Variants in MAML2 observed in about 807,000 individuals in gnomAD.
MAML2 encodes the protein mastermind like transcriptional coactivator 2, also known as mastermind-like protein 2.
Under a neutral mutation model 96.1 loss-of-function variants are expected in MAML2, and 22 were observed. The observed-to-expected ratio is 0.23, with a 90% CI of 0.16 to 0.33. The LOEUF (loss-of-function observed/expected upper bound fraction) is 0.33. Among genes scored for constraint, MAML2 ranks in the 10% least tolerant of loss-of-function variants. The probability of loss-of-function intolerance (pLI) is 1.00; values close to 1 mark genes in which losing one functional copy is unlikely to be tolerated. For missense variants in MAML2, 1,367 were observed against 1,392.4 expected, an observed-to-expected ratio of 0.98 and a Z score of 0.29; for synonymous variants, 561 against 521.3, an observed-to-expected ratio of 1.08 and a Z score of -1.04.
chr11:96,122,534 G>A (rs1024601540), intron 1 of MAML2, among the ~76,000 whole-genome samples: 1 of 148,864 alleles, frequency 6.7e-6, no homozygotes, highest in Non-Finnish European at 1.5e-5. Flanking sequence ...GTGTGTGCAC[G>A]TGCACGTGCA....
intron 2 of MAML2, among the ~76,000 whole-genome samples, chr11:96,020,937 A>T (rs1439534847): frequency 6.6e-6 from 1 of 152,234 alleles, no homozygotes. Context: ...GTTTAGTCTC[A>T]AAAGAGTAGG....
chr11:96,275,776 A>G (rs1862980800), intron 1 of MAML2, among the ~76,000 whole-genome samples: 1 of 152,206 alleles, frequency 6.6e-6, no homozygotes, highest in Non-Finnish European at 1.5e-5. Context: ...CTACAAATCA[A>G]TAAAAATAAA....
chr11:96,089,187 G>C (rs565305008), intron 2 of MAML2, among the ~76,000 whole-genome samples: 2 of 152,234 alleles, frequency 1.3e-5, no homozygotes, highest in Non-Finnish European at 2.9e-5. Context: ...AGCTGTTCTG[G>C]AATGAGAACA....
At chr11:96,134,202 A>G (rs4572097) in intron 1 of MAML2, among the ~76,000 whole-genome samples, 90,033 of 151,886 alleles carry the variant, frequency 0.59, 27,328 homozygotes, top group East Asian at 0.93. Context: ...ACAGGACTCT[A>G]TTTTTTCCTT....
intron 1 of MAML2, among the ~76,000 whole-genome samples, chr11:96,338,649 A>G (rs1053171072): frequency 6.6e-6 from 1 of 151,944 alleles, no homozygotes; most frequent in Non-Finnish European, 1.5e-5. Flanking sequence ...ATCTGAGGAC[A>G]CAGCACATCT....
chr11:95,989,394 C>G (rs1328965537), intron 3 of MAML2, among the ~76,000 whole-genome samples: 2 of 152,226 alleles, frequency 1.3e-5, no homozygotes, highest in Non-Finnish European at 2.9e-5. Context: ...GCCCTTTGCA[C>G]CTGTCCTAGT....
intron 1 of MAML2, among the ~76,000 whole-genome samples, chr11:96,143,415 C>T (rs1263234493): frequency 6.6e-6 from 1 of 152,162 alleles, no homozygotes; most frequent in Non-Finnish European, 1.5e-5. Context: ...GTCGCTCTTG[C>T]TCCTATTATT....
chr11:96,286,466 C>A (rs1402758503), intron 1 of MAML2, among the ~76,000 whole-genome samples: 1 of 152,104 alleles, frequency 6.6e-6, no homozygotes, highest in Non-Finnish European at 1.5e-5. Context: ...TGCACATGTA[C>A]CCCTGAACTC....
chr11:96,085,979 T>TA (rs371851953), intron 2 of MAML2, among the ~76,000 whole-genome samples: 632 of 152,326 alleles, frequency 4.1e-3, no homozygotes, highest in African/African-American at 0.014. Flanking sequence ...TGTGAAAGGT[T>TA]AAAAAACATG....
At position 96,050,545 on chromosome 11, in the gene MAML2, A is replaced by G. The variant is rs142358702; in HGVS notation, c.2139+41347T>C. Among the ~76,000 whole-genome samples, 245 of 152,338 alleles carry G rather than the reference A, an allele frequency of 1.6e-3. 1 individual carries two copies. Among genetic ancestry groups the G allele is most frequent in the Non-Finnish European group, 1.9e-3 (127 of 68,032 alleles). Reference sequence around the variant, plus strand: ...TGCATGAGAATCTGACCTTTGGTTAACTTCTTAACTTGGTTTCCCTGGAAA... The same window carrying G: ...TGCATGAGAATCTGACCTTTGGTTAGCTTCTTAACTTGGTTTCCCTGGAAA... On this transcript the variant is annotated intron_variant, in intron 2 of 4. Coordinates refer to ENST00000524717, the MANE Select transcript of MAML2 (RefSeq NM_032427.4).
chr11:95,982,035 C>T (rs1420774867), intron 4 of MAML2, among the ~76,000 whole-genome samples: 1 of 152,088 alleles, frequency 6.6e-6, no homozygotes, highest in Non-Finnish European at 1.5e-5. Context: ...TTTCATACTC[C>T]ATTTTTAATA....
chr11:96,229,819 C>G (rs1158215741), intron 1 of MAML2, among the ~76,000 whole-genome samples: 1 of 152,036 alleles, frequency 6.6e-6, no homozygotes, highest in East Asian at 1.9e-4. Flanking sequence ...TGCTCACTCT[C>G]ACATAACATT....
chr11:96,243,063 C>T (rs994317789), intron 1 of MAML2, among the ~76,000 whole-genome samples: 3 of 151,808 alleles, frequency 2.0e-5, no homozygotes, highest in Non-Finnish European at 4.4e-5. Flanking sequence ...TACACATACA[C>T]ACACACCCCC....
intron 1 of MAML2, among the ~76,000 whole-genome samples, chr11:96,123,245 C>A (rs66527318): frequency 0.011 from 1,636 of 152,070 alleles, 12 homozygotes; most frequent in Non-Finnish European, 0.018. Flanking sequence ...CACTAGATCT[C>A]CAAAAAAATG....
intron 1 of MAML2, among the ~76,000 whole-genome samples, chr11:96,260,937 T>C (rs1273076974): frequency 1.3e-5 from 2 of 152,216 alleles, no homozygotes; most frequent in East Asian, 3.8e-4. Context: ...TGAAACTAAA[T>C]ATTCTTCTGA....
Position 96,226,242 on chromosome 11 carries a change from A to C in MAML2, c.513+115141T>G, listed in dbSNP as rs139921540. ...AAGAATTTGGGTGGAATTCAAGAAA[A>C]GACTCTGGGCCAATTACAGTTTTAG... On this transcript the variant is annotated intron_variant, in intron 1 of 4. Coordinates refer to ENST00000524717, the MANE Select transcript of MAML2 (RefSeq NM_032427.4). Among the ~76,000 whole-genome samples the C allele has an allele frequency of 2.7e-3, 407 of 152,362 alleles. 1 individual carries two copies. The highest frequency in any genetic ancestry group is 9.3e-3 in the African/African-American group (387 of 41,584).
At chr11:96,257,569 C>T (rs1591100104) in intron 1 of MAML2, among the ~76,000 whole-genome samples, 1 of 152,212 alleles carries the variant, frequency 6.6e-6, no homozygotes, top group Non-Finnish European at 1.5e-5. Flanking sequence ...ATAGAGTCCA[C>T]AGTCTAACAG....
At chr11:96,327,051 G>A (rs1276008351) in intron 1 of MAML2, among the ~76,000 whole-genome samples, 2 of 152,174 alleles carry the variant, frequency 1.3e-5, no homozygotes, top group Non-Finnish European at 2.9e-5. Flanking sequence ...CCTCTGTAAT[G>A]GGATAACATG....
intron 1 of MAML2, among the ~76,000 whole-genome samples, chr11:96,103,956 C>T (rs773442415): frequency 9.9e-5 from 15 of 152,194 alleles, no homozygotes; most frequent in East Asian, 1.9e-4. Context: ...TTCCTCTCAC[C>T]GGATATGCTC....
Sources: allele counts gnomAD v4.1 joint callset (sites outside exome capture counted in the v4.1 genomes callset), GRCh38; gene constraint gnomAD v4.1.1; transcripts MANE v1.5; gene names NCBI Gene and HGNC (gene_info 2026-07-23, HGNC 2026-07-21).